Variants in ANKH observed in about 807,000 individuals in gnomAD.
ANKH encodes the protein ANKH inorganic pyrophosphate transport regulator.
ANKH carries 15 observed loss-of-function variants against 49.0 expected under a neutral mutation model. The observed-to-expected ratio is 0.31, with a 90% CI of 0.20 to 0.47. The LOEUF (loss-of-function observed/expected upper bound fraction) is 0.47. ANKH is among the 20% of genes least tolerant of loss of function. The pLI is 1.00. For missense variants in ANKH, 429 were observed against 652.0 expected (o/e 0.66, Z 3.72); for synonymous variants, 273 against 260.0 (o/e 1.05, Z -0.48).
intron 1 of ANKH, chr5:14,870,954 A>G (rs1475132172): frequency 2.8e-6 from 1 of 362,444 alleles, no homozygotes; most frequent in Non-Finnish European, 5.4e-6. Context: ...CGCATTATAA[A>G]ACAGAATCTC....
intron 1 of ANKH, among the ~76,000 whole-genome samples, chr5:14,817,081 C>T (rs1741060792): frequency 6.6e-6 from 1 of 152,152 alleles, no homozygotes; most frequent in African/African-American, 2.4e-5. Context: ...TAGACATAAG[C>T]TCCCATTTTT....
intron 1 of ANKH, chr5:14,869,208 A>G (rs150665005): frequency 6.6e-6 from 1 of 152,188 alleles, no homozygotes; most frequent in Non-Finnish European, 1.5e-5. Flanking sequence ...TCACCCACAC[A>G]TACCAGGTCA....
At position 14,711,300 on chromosome 5, in the gene ANKH, A is replaced by G. The variant is rs1561016268; in HGVS notation, c.1376T>C (p.Met459Thr). Reference protein sequence around the residue: ...CYVYRKQKKKMENESATEGED... With the variant: ...CYVYRKQKKKTENESATEGED... ...CCCCTCCGTGGCCGACTCATTCTCC[A>G]TCTTCTTTTTCTAGACCAAAGAAGA... is the stretch of plus-strand genomic sequence containing the variant. The change falls in exon 12 of 12, where the codon ATG (methionine) becomes ACG (threonine). Residue 459 changes from methionine (M) to threonine (T), a missense_variant. Around this residue, in one of 2 missense-constraint regions of ANKH, gnomAD observed 378 missense variants for 615.3 expected, o/e 0.61. Transcript: ENST00000284268. 1.2e-6 allele frequency: 2 copies of G among 1,613,922 alleles called. No individual in the cohort carries two copies. Among genetic ancestry groups the G allele is most frequent in the South Asian group, 1.1e-5 (1 of 91,070 alleles).
chr5:14,824,239 GA>G (rs143096013), intron 1 of ANKH, among the ~76,000 whole-genome samples: 1,783 of 151,672 alleles, frequency 0.012, 33 homozygotes, highest in African/African-American at 0.041. Flanking sequence ...GATTTTTTTG[GA>G]AAAAAAATTA....
At chr5:14,749,045 T>G in intron 6 of ANKH, 127 bp downstream of exon 6, 1 of 1,346,106 alleles carries the variant, frequency 7.4e-7, no homozygotes, top group Non-Finnish European at 1.0e-6. Flanking sequence ...GGCTTCCTAG[T>G]GTGACTGTCA....
chr5:14,725,088 G>A lies in ANKH; in HGVS notation c.1012-8253C>T, dbSNP rs1424868994. On this transcript the variant is annotated intron_variant, in intron 8 of 11. Transcript: ENST00000284268. The surrounding 1 kb of genome is among the most constrained non-coding windows in gnomAD (Gnocchi z 4.0). ...TTTTAATTGGGTTGAAGTCCCCACCGGGCAAGCCAGTGGTTAGCCCTCGGC... is the reference window on the plus strand; with the variant it reads ...TTTTAATTGGGTTGAAGTCCCCACCAGGCAAGCCAGTGGTTAGCCCTCGGC... 2.6e-5 allele frequency among the ~76,000 whole-genome samples: 4 copies of A among 152,090 alleles called. No homozygotes were observed. The highest frequency in any genetic ancestry group is 7.2e-5 in the African/African-American group (3 of 41,412).
chr5:14,769,237 T>G, intron 1 of ANKH, 46 bp from the exon 2 acceptor site: 15 of 1,470,862 alleles, frequency 1.0e-5, no homozygotes, highest in Non-Finnish European at 1.4e-5. Context: ...ATGTCATCTC[T>G]TCTCTGGGGA....
At chr5:14,721,677 A>G (rs762826041) in intron 8 of ANKH, among the ~76,000 whole-genome samples, 4 of 152,168 alleles carry the variant, frequency 2.6e-5, no homozygotes, top group Non-Finnish European at 5.9e-5. Flanking sequence ...CATGCCTGTA[A>G]TCCAGCACTT....
intron 2 of ANKH, among the ~76,000 whole-genome samples, chr5:14,759,541 A>G (rs910864725): frequency 3.3e-5 from 5 of 152,060 alleles, no homozygotes; most frequent in Non-Finnish European, 5.9e-5. Flanking sequence ...GCTTAGCCTA[A>G]GAGTTTGAGA....
At position 14,769,207 on chromosome 5, in the gene ANKH, A is replaced by G. The variant is rs1234524109; in HGVS notation, c.97-16T>C. 6.2e-7 allele frequency: 1 copy of G among 1,600,006 alleles called. No individual in the cohort carries two copies. Among genetic ancestry groups the G allele is most frequent in the East Asian group, 2.3e-5 (1 of 44,352 alleles). Reference sequence around the variant, plus strand: ...GGTTCAAGGCCTGGGAAGGGGGAAAAAAACCCACAAGCATTAGAAATGTCA... The same window carrying G: ...GGTTCAAGGCCTGGGAAGGGGGAAAGAAACCCACAAGCATTAGAAATGTCA... On this transcript the variant is annotated splice_polypyrimidine_tract_variant and intron_variant, in intron 1 of 11. Transcript: ENST00000284268.
intron 4 of ANKH, among the ~76,000 whole-genome samples, chr5:14,754,082 G>A (rs75029326): frequency 0.013 from 2,042 of 152,302 alleles, 47 homozygotes; most frequent in African/African-American, 0.046. Context: ...CAAGCAACAA[G>A]GTTTAAAATA....
In ANKH at chr5:14,824,028, C is replaced by T. The variant is rs1580096570; in HGVS notation, c.96+47324G>A. 3.3e-5 allele frequency among the ~76,000 whole-genome samples: 5 copies of T among 152,192 alleles called. 1 individual carries two copies. The highest frequency in any genetic ancestry group is 3.3e-4 in the Admixed American group (5 of 15,298). On this transcript the variant is annotated intron_variant, in intron 1 of 11. Transcript: ENST00000284268. ...AAACCCACTGTGGTATGTAAGAATA[C>T]CTTACCCCAACCAAGAGTCTGCAGA...
intron 11 of ANKH, 46 bp downstream of exon 11, chr5:14,712,828 C>A (rs749997528): frequency 1.2e-5 from 18 of 1,545,832 alleles, no homozygotes; most frequent in Middle Eastern, 1.8e-4. Context: ...TCTCCTGCAC[C>A]CAGGAGGATG....
intron 1 of ANKH, among the ~76,000 whole-genome samples, chr5:14,792,928 G>A (rs993248230): frequency 2.1e-5 from 3 of 144,244 alleles, no homozygotes; most frequent in Admixed American, 7.2e-5. Context: ...AGTGAGCCGA[G>A]ATTATGCCAC....
intron 1 of ANKH, among the ~76,000 whole-genome samples, chr5:14,794,264 T>C (rs1740301104): frequency 6.6e-6 from 1 of 152,238 alleles, no homozygotes; most frequent in South Asian, 2.1e-4. Context: ...AAAAGCTGAA[T>C]TTCTCATGCT....
intron 1 of ANKH, among the ~76,000 whole-genome samples, chr5:14,830,281 G>C (rs926980806): frequency 1.3e-5 from 2 of 152,172 alleles, no homozygotes; most frequent in Non-Finnish European, 2.9e-5. Context: ...AGATCGAGAA[G>C]ACACTGCTGC....
At chr5:14,773,353 C>CTTTTTTTTT (rs71603741) in intron 1 of ANKH, among the ~76,000 whole-genome samples, 11 of 76,996 alleles carry the variant, frequency 1.4e-4, no homozygotes, top group East Asian at 1.3e-3. Context: ...GCAAAGCATT[C>CTTTTTTTTT]TTTTTTTTTT....
At chr5:14,728,965 C>T (rs1381351538) in intron 8 of ANKH, among the ~76,000 whole-genome samples, 1 of 152,210 alleles carries the variant, frequency 6.6e-6, no homozygotes, top group Non-Finnish European at 1.5e-5. Flanking sequence ...CTCCACTACA[C>T]ATGGACAGTA....
chr5:14,838,785 A>G (rs892274456), intron 1 of ANKH, among the ~76,000 whole-genome samples: 2 of 152,190 alleles, frequency 1.3e-5, no homozygotes, highest in African/African-American at 2.4e-5. Flanking sequence ...CTTAATGAGC[A>G]TAACAAAACA....
Sources: gnomAD v4.1 joint callset for allele counts (sites outside exome capture counted in the v4.1 genomes callset) on GRCh38, gnomAD v4.1.1 for gene constraint, gnomAD v4.1.1 regional missense constraint, Gnocchi (gnomAD v3.1) non-coding constraint, MANE v1.5 for transcripts, NCBI Gene and HGNC (gene_info 2026-07-23, HGNC 2026-07-21) for gene names.